ZMYM4: variants seen among roughly 807,000 people sequenced by gnomAD.
ZMYM4 encodes zinc finger MYM-type protein 4.
A neutral mutation model predicts 183.2 loss-of-function variants in ZMYM4; 31 were observed. That is an observed-to-expected ratio of 0.17 (90% CI 0.13 to 0.23). The LOEUF (loss-of-function observed/expected upper bound fraction) is 0.23. Among genes scored for constraint, ZMYM4 ranks in the 10% least tolerant of loss-of-function variants. The pLI is 1.00. For synonymous variants in ZMYM4, 592 were observed against 631.2 expected, an observed-to-expected ratio of 0.94 and a Z score of 0.93; for missense variants, 1,273 against 1,840.3, an observed-to-expected ratio of 0.69 and a Z score of 5.64.
At chr1:35,349,456 T>G (rs1411755692) in intron 2 of ZMYM4, among the ~76,000 whole-genome samples, 1 of 152,226 alleles carries the variant, frequency 6.6e-6, no homozygotes, top group Non-Finnish European at 1.5e-5. Flanking sequence ...TACATTGTGA[T>G]CTTATAAAGG....
At chr1:35,373,479 G>T (rs981046448) in intron 7 of ZMYM4, among the ~76,000 whole-genome samples, 1 of 148,288 alleles carries the variant, frequency 6.7e-6, no homozygotes, top group Non-Finnish European at 1.5e-5. Context: ...CCAGGTTAAC[G>T]CCATTCTCCT....
chr1:35,349,268 G>A (rs572178976), intron 2 of ZMYM4, among the ~76,000 whole-genome samples: 88 of 152,252 alleles, frequency 5.8e-4, no homozygotes, highest in Non-Finnish European at 7.1e-4. Context: ...GATTACAGGC[G>A]TGAGCTATGG....
At chr1:35,378,237 A>T (rs1481246657) in intron 7 of ZMYM4, among the ~76,000 whole-genome samples, 1 of 152,162 alleles carries the variant, frequency 6.6e-6, no homozygotes, top group Admixed American at 6.5e-5. Flanking sequence ...ATCTGTGAGG[A>T]TTGAAGTTAC....
At chr1:35,393,488 C>G in intron 17 of ZMYM4, 107 bp from the exon 18 acceptor site, 2 of 1,025,622 alleles carry the variant, frequency 2.0e-6, no homozygotes, top group Non-Finnish European at 2.7e-6. Context: ...CTTGCTATGT[C>G]CTCCATGTAA....
intron 23 of ZMYM4, among the ~76,000 whole-genome samples, chr1:35,402,951 C>T (rs1052457354): frequency 1.3e-5 from 2 of 152,166 alleles, no homozygotes; most frequent in Admixed American, 6.5e-5. Flanking sequence ...TTATTCCTAA[C>T]CTTACGGTGA....
intron 26 of ZMYM4, among the ~76,000 whole-genome samples, chr1:35,409,663 T>C (rs1249786780): frequency 6.6e-6 from 1 of 151,964 alleles, no homozygotes; most frequent in African/African-American, 2.4e-5. Flanking sequence ...AATTCTTGGC[T>C]GGGTGCGGTG....
intron 1 of ZMYM4, among the ~76,000 whole-genome samples, chr1:35,300,749 A>T (rs1032739123): frequency 6.6e-6 from 1 of 152,026 alleles, no homozygotes; most frequent in African/African-American, 2.4e-5. Flanking sequence ...GGTACTTTTT[A>T]TGTATATCTT....
At chr1:35,394,468 G>C (rs529032386) in intron 18 of ZMYM4, among the ~76,000 whole-genome samples, 2 of 152,012 alleles carry the variant, frequency 1.3e-5, no homozygotes, top group African/African-American at 2.4e-5. Flanking sequence ...AGTTGGAGCG[G>C]ATGAGAAATG....
chr1:35,331,073 A>G (rs1353645293), intron 2 of ZMYM4, among the ~76,000 whole-genome samples: 1 of 151,564 alleles, frequency 6.6e-6, no homozygotes, highest in African/African-American at 2.4e-5. Flanking sequence ...ATTTTTCTAA[A>G]TGGAACAAAC....
At chr1:35,397,279 T>G in intron 19 of ZMYM4, 98 bp from the exon 20 acceptor site, 2 of 1,303,894 alleles carry the variant, frequency 1.5e-6, no homozygotes, top group South Asian at 4.3e-5. Context: ...TACCTTAAAT[T>G]TGTTTACTAT....
At chr1:35,367,175 A>G (rs187685105) in intron 5 of ZMYM4, among the ~76,000 whole-genome samples, 1 of 152,290 alleles carries the variant, frequency 6.6e-6, no homozygotes, top group African/African-American at 2.4e-5. Context: ...GAGAGGTTGA[A>G]TGTGGCAAAT....
intron 26 of ZMYM4, among the ~76,000 whole-genome samples, chr1:35,412,014 G>C (rs2149039348): frequency 6.6e-6 from 1 of 152,026 alleles, no homozygotes; most frequent in South Asian, 2.1e-4. Flanking sequence ...CTCCGAAGTA[G>C]CTGGGACTAC....
At chr1:35,284,404 A>G (rs1480649430) in intron 1 of ZMYM4, among the ~76,000 whole-genome samples, 2 of 152,080 alleles carry the variant, frequency 1.3e-5, no homozygotes, top group Non-Finnish European at 2.9e-5. Flanking sequence ...TTCTTCTAAG[A>G]GTTTTAGTGT....
Position 35,370,020 on chromosome 1 carries a change from T to A in ZMYM4, c.841-9T>A. On this transcript the variant is annotated splice_polypyrimidine_tract_variant and intron_variant, in intron 5 of 29. Coordinates refer to ENST00000314607, the MANE Select transcript of ZMYM4 (RefSeq NM_005095.3). ...TCTATGTATTTATTTATTTTTTTCT[T>A]CTTTAAAGGAGTATAGTCATGGCCA... The A allele has an allele frequency of 1.3e-6, 2 of 1,598,078 alleles. No individual in the cohort carries two copies. Among genetic ancestry groups the A allele is most frequent in the Non-Finnish European group, 1.7e-6 (2 of 1,169,692 alleles).
intron 19 of ZMYM4, chr1:35,396,959 C>A: frequency 1.6e-6 from 1 of 634,940 alleles, no homozygotes; most frequent in Non-Finnish European, 2.0e-6. Context: ...ATCCTGGATT[C>A]TAGCAAGGGT....
At chr1:35,351,932 AAAT>A (rs1372796857) in intron 2 of ZMYM4, among the ~76,000 whole-genome samples, 2 of 152,182 alleles carry the variant, frequency 1.3e-5, no homozygotes, top group Non-Finnish European at 2.9e-5. Context: ...AAATTACTTA[AAAT>A]AACTTTATTC....
At chr1:35,299,502 C>T (rs1641174757) in intron 1 of ZMYM4, among the ~76,000 whole-genome samples, 3 of 152,098 alleles carry the variant, frequency 2.0e-5, no homozygotes, top group Non-Finnish European at 4.4e-5. Flanking sequence ...TTGGTGTACA[C>T]CCTTTGTAAA....
intron 1 of ZMYM4, among the ~76,000 whole-genome samples, chr1:35,323,955 T>C (rs1429276116): frequency 6.6e-6 from 1 of 152,166 alleles, no homozygotes; most frequent in Non-Finnish European, 1.5e-5. Context: ...TTGCTTTCCT[T>C]TACTTTCCAA....
chr1:35,328,463 T>A (rs1054755271), intron 2 of ZMYM4, among the ~76,000 whole-genome samples: 1 of 147,692 alleles, frequency 6.8e-6, no homozygotes, highest in East Asian at 2.0e-4. Flanking sequence ...AATTTTTTTT[T>A]TTTTTTTTTT....
Sources: allele counts gnomAD v4.1 joint callset (sites outside exome capture counted in the v4.1 genomes callset), GRCh38; gene constraint gnomAD v4.1.1; transcripts MANE v1.5; gene names NCBI Gene and HGNC (gene_info 2026-07-23, HGNC 2026-07-21).